Variants in YJU2B observed in about 807,000 individuals in gnomAD.
YJU2B encodes probable splicing factor YJU2B.
In YJU2B, 18 loss-of-function variants were observed where a neutral mutation model predicts 38.0. The ratio of observed to expected loss-of-function variants is 0.47; its 90% CI spans 0.33 to 0.70. The LOEUF is 0.70. Ranked by LOEUF, YJU2B falls within the 30% of genes least tolerant of loss-of-function variation. The pLI, the probability that YJU2B is intolerant of heterozygous loss-of-function variation, is 0.02. For missense variants in YJU2B, 538 were observed against 556.3 expected (o/e 0.97, Z 0.33); for synonymous variants, 246 against 225.4 (o/e 1.09, Z -0.82).
Position 13,762,853 on chromosome 19 carries a change from G to A in YJU2B, c.976G>A (p.Ala326Thr), listed in dbSNP as rs1404430716. Residue 326 changes from alanine (A) to threonine (T), a missense_variant, in exon 10 of 10, where the codon GCC becomes ACC. Physicochemically the swap from Ala to Thr is moderately conservative, Grantham distance 58 (BLOSUM62 0). This residue lies in a region of YJU2B where 488 missense variants were observed against 469.5 expected (regional missense o/e 1.04). Coordinates refer to ENST00000221554, the MANE Select transcript of YJU2B (RefSeq NM_030818.4). ...SGEPRVPEEA[A>T]QDRPMSPGDC... is the part of the protein sequence containing the mutation. ...GGAACCGCGGGTACCAGAGGAGGCT[G>A]CCCAGGACCGGCCCATGTCCCCCGG... is the stretch of plus-strand genomic sequence containing the variant. 6.2e-7 allele frequency: 1 copy of A among 1,607,352 alleles called. No individual in the cohort carries two copies. The highest frequency in any genetic ancestry group is 1.7e-5 in the Admixed American group (1 of 59,206).
Position 13,759,207 on chromosome 19 carries a change from C to G in YJU2B, c.508C>G (p.Gln170Glu). 6.2e-7 allele frequency: 1 copy of G among 1,613,524 alleles called. No individual in the cohort carries two copies. Among genetic ancestry groups the G allele is most frequent in the African/African-American group, 1.3e-5 (1 of 75,052 alleles). The change falls in exon 8 of 10, where the codon CAG (glutamine) becomes GAG (glutamate). Residue 170 changes from glutamine (Q) to glutamate (E), a missense_variant. By Grantham distance (29) the Gln-to-Glu change is conservative (BLOSUM62 2). Transcript: ENST00000221554. Reference sequence around the variant, plus strand: ...GGCGCTGCCCACACTGAGCCACATCCAGGAGGCCCAGAGCGCCTGGAAGGA... The same window carrying G: ...GGCGCTGCCCACACTGAGCCACATCGAGGAGGCCCAGAGCGCCTGGAAGGA... Reference protein sequence around the residue: ...KKALPTLSHIQEAQSAWKDDF... With the variant: ...KKALPTLSHIEEAQSAWKDDF...
chr19:13,739,291 AC>A (rs1973034107), intron 2 of YJU2B, among the ~76,000 whole-genome samples: 1 of 152,108 alleles, frequency 6.6e-6, no homozygotes, highest in South Asian at 2.1e-4. Flanking sequence ...GACTACAGGT[AC>A]ATGCCACCAC....
intron 3 of YJU2B, 52 bp downstream of exon 3, chr19:13,754,394 C>G (rs1300107354): frequency 6.8e-7 from 1 of 1,477,536 alleles, no homozygotes; most frequent in African/African-American, 1.4e-5. Flanking sequence ...CCCACGTCAT[C>G]CCCTCTTGGG....
chr19:13,754,163 C>G, intron 2 of YJU2B, 126 bp from the exon 3 acceptor site: 1 of 715,780 alleles, frequency 1.4e-6, no homozygotes, highest in African/African-American at 1.8e-5. Context: ...CAGAGCAAGA[C>G]TCCATCTCTA....
At chr19:13,737,626 A>T in intron 2 of YJU2B, among the ~76,000 whole-genome samples, 1 of 149,886 alleles carries the variant, frequency 6.7e-6, no homozygotes, top group Admixed American at 6.8e-5. Flanking sequence ...CTCTACTAAA[A>T]ATACAAAAAT....
upstream of YJU2B, among the ~76,000 whole-genome samples, chr19:13,744,948 A>G (rs427850): frequency 0.6 from 91,115 of 150,674 alleles, 27,782 homozygotes; most frequent in Middle Eastern, 0.72. Context: ...AGCCGAGATC[A>G]TGCCACTGCA....
intron 2 of YJU2B, among the ~76,000 whole-genome samples, chr19:13,741,127 G>A (rs1973081160): frequency 6.6e-6 from 1 of 151,592 alleles, no homozygotes; most frequent in South Asian, 2.1e-4. Flanking sequence ...GTGCTGGCTG[G>A]AGGCCTTTGG....
At chr19:13,759,383 G>C (rs1408994563) in intron 8 of YJU2B, 111 bp downstream of exon 8, 1 of 848,626 alleles carries the variant, frequency 1.2e-6, no homozygotes, top group East Asian at 2.7e-5. Context: ...TACCCTCTGA[G>C]CCTCAGTTTC....
rs1275144666 is a variant in YJU2B, at chr19:13,759,160, C to T, written c.461C>T (p.Ala154Val). 5 of 1,613,476 alleles carry T rather than the reference C, an allele frequency of 3.1e-6. No homozygotes were observed. The highest frequency in any genetic ancestry group is 4.2e-6 in the Non-Finnish European group (5 of 1,179,798). Reference sequence around the variant, plus strand: ...ATGTTCCGGCTGGAGCATGGCGAGGCCGACCGCAGCACACTCAAGAAGGCG... The same window carrying T: ...ATGTTCCGGCTGGAGCATGGCGAGGTCGACCGCAGCACACTCAAGAAGGCG... ...DAMFRLEHGEADRSTLKKALP... is the reference protein window; with the variant it reads ...DAMFRLEHGEVDRSTLKKALP... The change falls in exon 8 of 10, where the codon GCC becomes GTC. Residue 154 changes from alanine to valine, a missense_variant. Coordinates refer to ENST00000221554, the MANE Select transcript of YJU2B (RefSeq NM_030818.4).
intron 6 of YJU2B, 91 bp from the exon 7 acceptor site, chr19:13,758,777 A>G (rs1192373583): frequency 1.4e-6 from 2 of 1,472,626 alleles, no homozygotes; most frequent in Non-Finnish European, 9.3e-7. Flanking sequence ...GTCAAATGAC[A>G]CCATTGGGTG....
chr19:13,749,826 G>A (rs1973389652), intron 1 of YJU2B, among the ~76,000 whole-genome samples: 1 of 151,920 alleles, frequency 6.6e-6, no homozygotes, highest in Admixed American at 6.6e-5. Context: ...GTAGAGACGG[G>A]GTTTCACTGT....
intron 3 of YJU2B, among the ~76,000 whole-genome samples, chr19:13,755,619 C>T (rs1182230943): frequency 3.9e-5 from 6 of 151,988 alleles, no homozygotes; most frequent in African/African-American, 7.3e-5. Context: ...GAAGGCAAAA[C>T]GTGAGGTCAC....
intron 2 of YJU2B, among the ~76,000 whole-genome samples, chr19:13,735,087 G>A (rs954710513): frequency 7.9e-5 from 12 of 152,152 alleles, no homozygotes; most frequent in African/African-American, 2.2e-4. Context: ...AAGCCTAGGC[G>A]GGTGGATCAC....
At chr19:13,757,211 C>T (rs1020735335) in intron 4 of YJU2B, among the ~76,000 whole-genome samples, 4 of 152,046 alleles carry the variant, frequency 2.6e-5, no homozygotes, top group Non-Finnish European at 5.9e-5. Context: ...TTCTAGCAGG[C>T]AGGAAGTTCC....
exon 1 of YJU2B, chr19:13,731,829 T>C (rs1972827453): frequency 6.6e-6 from 1 of 152,158 alleles, no homozygotes; most frequent in Admixed American, 6.6e-5. Context: ...GAGCTGGGAG[T>C]TAGGATCCGA....
intron 3 of YJU2B, among the ~76,000 whole-genome samples, chr19:13,755,249 T>C (rs527581268): frequency 1.9e-4 from 28 of 148,304 alleles, no homozygotes; most frequent in African/African-American, 6.5e-4. Context: ...GATCACCAGG[T>C]CGAGAGTTTA....
intron 2 of YJU2B, among the ~76,000 whole-genome samples, chr19:13,752,470 G>A (rs1003574400): frequency 5.3e-5 from 8 of 151,804 alleles, no homozygotes; most frequent in Admixed American, 4.6e-4. Flanking sequence ...TAGGCTGGGC[G>A]CGGTGGCTCA....
In YJU2B at chr19:13,756,243, G is replaced by A. The variant is rs745650752; in HGVS notation, c.104G>A (p.Arg35Gln). ...CACAACAGCCACCCGCTTCGGGAGC[G>A]GGCTCGGAAGCTGTCACAGGGCATC... Reference protein sequence around the residue: ...RYHNSHPLRERARKLSQGILI... With the variant: ...RYHNSHPLREQARKLSQGILI... The change falls in exon 4 of 10, where the codon CGG becomes CAG. Residue 35 changes from arginine (R) to glutamine (Q), a missense_variant. Around this residue, in one of 2 missense-constraint regions of YJU2B, gnomAD observed 50 missense variants for 86.9 expected, o/e 0.58. Coordinates refer to ENST00000221554, the MANE Select transcript of YJU2B (RefSeq NM_030818.4). 42 of 1,613,912 alleles carry A rather than the reference G, an allele frequency of 2.6e-5. No homozygotes were observed. Among genetic ancestry groups the A allele is most frequent in the Non-Finnish European group, 3.1e-5 (37 of 1,180,024 alleles).
intron 8 of YJU2B, among the ~76,000 whole-genome samples, chr19:13,760,988 C>T (rs1195235892): frequency 4.6e-5 from 7 of 151,934 alleles, no homozygotes; most frequent in Admixed American, 2.6e-4. Context: ...AGGCTGGTCT[C>T]GAAATCCTGG....
Sources: gnomAD v4.1 joint callset for allele counts (sites outside exome capture counted in the v4.1 genomes callset) on GRCh38, gnomAD v4.1.1 for gene constraint, gnomAD v4.1.1 regional missense constraint, MANE v1.5 for transcripts, NCBI Gene and HGNC (gene_info 2026-07-23, HGNC 2026-07-21) for gene names.